Variants in TRAPPC9 observed in about 807,000 individuals in gnomAD.
TRAPPC9 encodes the protein IKK2 binding protein.
TRAPPC9 carries 83 observed loss-of-function variants against 124.0 expected under a neutral mutation model. The ratio of observed to expected loss-of-function variants is 0.67; its 90% CI spans 0.56 to 0.80. TRAPPC9 has a LOEUF of 0.80. Ranked by LOEUF, TRAPPC9 falls within the 30% of genes least tolerant of loss-of-function variation. TRAPPC9 has a pLI of 0.00. For synonymous variants in TRAPPC9, 638 were observed against 617.5 expected (o/e 1.03, Z -0.49); for missense variants, 1,302 against 1,508.3 (o/e 0.86, Z 2.27).
chr8:140,338,646 G>A (rs1011198575), intron 9 of TRAPPC9, among the ~76,000 whole-genome samples: 2 of 152,236 alleles, frequency 1.3e-5, no homozygotes, highest in South Asian at 4.1e-4. Context: ...ATAACGAGAG[G>A]GGATTAGGAC....
At chr8:139,957,691 T>G (rs1389407980) in intron 19 of TRAPPC9, among the ~76,000 whole-genome samples, 1 of 152,126 alleles carries the variant, frequency 6.6e-6, no homozygotes, top group Non-Finnish European at 1.5e-5. Flanking sequence ...ACCAGGTGCA[T>G]GCCATGCAGG....
chr8:139,738,079 G>A (rs1818318765), intron 21 of TRAPPC9, among the ~76,000 whole-genome samples: 1 of 152,168 alleles, frequency 6.6e-6, no homozygotes, highest in Non-Finnish European at 1.5e-5. Context: ...AGCCCACTCT[G>A]ACCACGAGGG....
At chr8:139,755,244 G>A (rs1025006012) in intron 21 of TRAPPC9, among the ~76,000 whole-genome samples, 1 of 152,258 alleles carries the variant, frequency 6.6e-6, no homozygotes, top group African/African-American at 2.4e-5. Flanking sequence ...ACAGACCTGT[G>A]GAGAAGCCAG....
intron 21 of TRAPPC9, among the ~76,000 whole-genome samples, chr8:139,875,494 AG>A: frequency 6.6e-6 from 1 of 152,344 alleles, no homozygotes; most frequent in South Asian, 2.1e-4. Context: ...CCCTTCAAAA[AG>A]AAGGTAACTA....
intron 21 of TRAPPC9, among the ~76,000 whole-genome samples, chr8:139,871,368 T>C (rs1317686020): frequency 6.6e-6 from 1 of 152,202 alleles, no homozygotes; most frequent in Non-Finnish European, 1.5e-5. Flanking sequence ...TTCCTTAGCT[T>C]GTTTTCAGAA....
chr8:140,409,781 A>T (rs896824999), intron 5 of TRAPPC9, among the ~76,000 whole-genome samples: 24 of 152,208 alleles, frequency 1.6e-4, no homozygotes, highest in Non-Finnish European at 1.5e-4. Flanking sequence ...TGTTTATTTA[A>T]AAAATAAGAA....
At chr8:139,992,371 C>T (rs970655357) in intron 18 of TRAPPC9, among the ~76,000 whole-genome samples, 2 of 151,992 alleles carry the variant, frequency 1.3e-5, no homozygotes, top group African/African-American at 2.4e-5. Context: ...ATTATACTCA[C>T]CAAGTGAGCA....
intron 17 of TRAPPC9, among the ~76,000 whole-genome samples, chr8:140,070,986 C>G (rs1843131757): frequency 6.6e-6 from 1 of 152,252 alleles, no homozygotes; most frequent in African/African-American, 2.4e-5. Flanking sequence ...CGGCCAGAAG[C>G]AACGGGAGCA....
chr8:140,235,697 A>G (rs968473033), intron 16 of TRAPPC9, among the ~76,000 whole-genome samples: 1 of 152,228 alleles, frequency 6.6e-6, no homozygotes, highest in Non-Finnish European at 1.5e-5. Context: ...TGGGATGTAC[A>G]GAAATCCCAA....
chr8:139,745,057 C>T (rs1399740694), intron 21 of TRAPPC9, among the ~76,000 whole-genome samples: 1 of 152,200 alleles, frequency 6.6e-6, no homozygotes, highest in Non-Finnish European at 1.5e-5. Flanking sequence ...TCCAGGTAGG[C>T]CTCCTGATTA....
chr8:140,033,450 A>T (rs1840627958), intron 17 of TRAPPC9, among the ~76,000 whole-genome samples: 1 of 152,156 alleles, frequency 6.6e-6, no homozygotes, highest in Non-Finnish European at 1.5e-5. Flanking sequence ...GAACGTCTGG[A>T]AGAAGACATG....
At chr8:139,733,347 G>C (rs1376105198) in intron 21 of TRAPPC9, among the ~76,000 whole-genome samples, 2 of 152,116 alleles carry the variant, frequency 1.3e-5, no homozygotes, top group Non-Finnish European at 2.9e-5. Context: ...GCAGCACCTT[G>C]GTCTCAGCCT....
chr8:139,958,964 CCTGCATTCCGAGTCACACGGGGGAGCA>C (rs1835188170), intron 19 of TRAPPC9, among the ~76,000 whole-genome samples: 3 of 101,236 alleles, frequency 3.0e-5, no homozygotes, highest in Non-Finnish European at 4.2e-5. Flanking sequence ...ACGGGGGAGC[CCTGCATTCCGAGTCACACGGGGGAGCA>C]CTGCATTCCG....
In TRAPPC9 at chr8:140,087,813, C is replaced by A. The variant is rs1844297606; in HGVS notation, c.2557-63734G>T. ...GACCATTCTCATGCATGACGAGCAA[C>A]CGCACCATTCCCTGGCTCTCTCCTG... On this transcript the variant is annotated intron_variant, in intron 17 of 22. Transcript: ENST00000438773. This position sits in a 1 kb window ranked among gnomAD's most constrained non-coding sequence, Gnocchi z 4.6. 6.6e-6 allele frequency among the ~76,000 whole-genome samples: 1 copy of A among 152,084 alleles called. No individual in the cohort carries two copies. Among genetic ancestry groups the A allele is most frequent in the Non-Finnish European group, 1.5e-5 (1 of 68,026 alleles).
At chr8:139,840,195 T>G (rs1412652656) in intron 21 of TRAPPC9, among the ~76,000 whole-genome samples, 1 of 152,230 alleles carries the variant, frequency 6.6e-6, no homozygotes, top group Non-Finnish European at 1.5e-5. Flanking sequence ...AGGGCTCTGC[T>G]GTGACACTGT....
intron 5 of TRAPPC9, among the ~76,000 whole-genome samples, chr8:140,421,618 A>C (rs1055347429): frequency 6.6e-6 from 1 of 152,198 alleles, no homozygotes; most frequent in African/African-American, 2.4e-5. Flanking sequence ...ACTCTAGCTA[A>C]TCCGCTGGAC....
intron 21 of TRAPPC9, among the ~76,000 whole-genome samples, chr8:139,853,142 C>T (rs1245867604): frequency 2.0e-5 from 3 of 152,218 alleles, no homozygotes; most frequent in African/African-American, 7.2e-5. Flanking sequence ...TCTGTAAAGG[C>T]CTCTGGCCCC....
At chr8:139,732,225 G>A (rs371065297) in intron 21 of TRAPPC9, 23 bp from the exon 22 acceptor site, 28 of 1,554,640 alleles carry the variant, frequency 1.8e-5, no homozygotes, top group African/African-American at 8.1e-5. Context: ...CGAGACTGTC[G>A]GGGGCTGGGC....
chr8:140,449,249 G>A (rs183097663), intron 2 of TRAPPC9, among the ~76,000 whole-genome samples: 85 of 152,284 alleles, frequency 5.6e-4, no homozygotes, highest in Non-Finnish European at 9.3e-4. Context: ...GCACTATGGT[G>A]GCATGCACCT....
Sources: allele counts gnomAD v4.1 joint callset (sites outside exome capture counted in the v4.1 genomes callset), GRCh38; gene constraint gnomAD v4.1.1; non-coding constraint Gnocchi (gnomAD v3.1); transcripts MANE v1.5; gene names NCBI Gene and HGNC (gene_info 2026-07-23, HGNC 2026-07-21).